PDE1C: variants seen among roughly 807,000 people sequenced by gnomAD.
PDE1C encodes the protein dual specificity calcium/calmodulin-dependent 3',5'-cyclic nucleotide phosphodiesterase 1C.
In PDE1C, 62 loss-of-function variants were observed where a neutral mutation model predicts 93.1. The ratio of observed to expected loss-of-function variants is 0.67; its 90% CI spans 0.54 to 0.82. The LOEUF (loss-of-function observed/expected upper bound fraction) is 0.82, where lower values mean the gene tolerates loss of function less well. PDE1C is among the 40% of genes least tolerant of loss of function. PDE1C has a pLI of 0.00. For synonymous variants in PDE1C, 325 were observed against 310.1 expected, an observed-to-expected ratio of 1.05 and a Z score of -0.50; for missense variants, 742 against 884.6, an observed-to-expected ratio of 0.84 and a Z score of 2.04.
At chr7:32,039,217 T>C (rs2128655789) in intron 2 of PDE1C, among the ~76,000 whole-genome samples, 1 of 152,132 alleles carries the variant, frequency 6.6e-6, no homozygotes. Flanking sequence ...GGGTCATGAG[T>C]GAGTAGGGGT....
intron 1 of PDE1C, among the ~76,000 whole-genome samples, chr7:32,277,862 A>G (rs1401294918): frequency 2.0e-5 from 3 of 152,216 alleles, no homozygotes; most frequent in Admixed American, 6.5e-5. Context: ...AAGGCAATAT[A>G]CCATCACGAT....
intron 3 of PDE1C, among the ~76,000 whole-genome samples, chr7:32,082,543 G>A (rs1796755679): frequency 1.3e-5 from 2 of 152,224 alleles, no homozygotes; most frequent in Non-Finnish European, 1.5e-5. Context: ...CGGGCAGACT[G>A]CCTCCTCAAG....
At chr7:31,938,968 A>C (rs1242597848) in intron 2 of PDE1C, among the ~76,000 whole-genome samples, 1 of 152,182 alleles carries the variant, frequency 6.6e-6, no homozygotes, top group Non-Finnish European at 1.5e-5. Flanking sequence ...CCAGCACCAA[A>C]GCACTTTTAG....
At chr7:32,031,903 G>C (rs376474317) in intron 2 of PDE1C, among the ~76,000 whole-genome samples, 1 of 152,128 alleles carries the variant, frequency 6.6e-6, no homozygotes, top group Non-Finnish European at 1.5e-5. Flanking sequence ...TTGTACCGCA[G>C]GAGAAGTACT....
At chr7:31,970,048 C>T (rs1335798555) in intron 2 of PDE1C, among the ~76,000 whole-genome samples, 3 of 151,982 alleles carry the variant, frequency 2.0e-5, no homozygotes, top group African/African-American at 7.3e-5. Flanking sequence ...TGCTAAATGA[C>T]AAGTTAATGG....
chr7:32,369,911 A>C (rs1390218414), intron 1 of PDE1C, among the ~76,000 whole-genome samples: 1 of 152,202 alleles, frequency 6.6e-6, no homozygotes, highest in African/African-American at 2.4e-5. Flanking sequence ...ACCATTGTGG[A>C]AGACAGTGTG....
At chr7:32,121,991 A>T (rs1799326238) in intron 3 of PDE1C, among the ~76,000 whole-genome samples, 1 of 152,236 alleles carries the variant, frequency 6.6e-6, no homozygotes, top group Admixed American at 6.5e-5. Context: ...ATGTGCAAAG[A>T]CACACATAGG....
intron 2 of PDE1C, among the ~76,000 whole-genome samples, chr7:31,977,760 C>T (rs1255973789): frequency 1.3e-5 from 2 of 152,136 alleles, no homozygotes; most frequent in African/African-American, 4.8e-5. Flanking sequence ...CAGTGAGTTA[C>T]AAACAGTAGT....
intron 1 of PDE1C, among the ~76,000 whole-genome samples, chr7:32,376,190 C>T (rs538602912): frequency 1.3e-5 from 2 of 152,052 alleles, no homozygotes; most frequent in Admixed American, 1.3e-4. Flanking sequence ...GAAAAATTCA[C>T]AACCAATCCT....
At chr7:31,946,698 G>C (rs1299339547) in intron 2 of PDE1C, among the ~76,000 whole-genome samples, 1 of 152,158 alleles carries the variant, frequency 6.6e-6, no homozygotes. Flanking sequence ...CCAGAGCTCG[G>C]AGCCTTCACA....
At chr7:32,001,910 T>G (rs1207937977) in intron 2 of PDE1C, among the ~76,000 whole-genome samples, 1 of 152,016 alleles carries the variant, frequency 6.6e-6, no homozygotes, top group Non-Finnish European at 1.5e-5. Context: ...AATACAAAAA[T>G]TAGCTGAGCG....
intron 3 of PDE1C, among the ~76,000 whole-genome samples, chr7:32,149,613 AT>A (rs1400596031): frequency 6.6e-6 from 1 of 152,180 alleles, no homozygotes; most frequent in African/African-American, 2.4e-5. Flanking sequence ...AACATTTATA[AT>A]TTTTTTATAT....
intron 1 of PDE1C, among the ~76,000 whole-genome samples, chr7:32,381,832 G>A (rs183069824): frequency 1.1e-4 from 17 of 152,094 alleles, no homozygotes; most frequent in Admixed American, 4.6e-4. Context: ...CCACTACCCC[G>A]CACTGGGATA....
chr7:32,206,412 A>G (rs1242360581), intron 2 of PDE1C, among the ~76,000 whole-genome samples: 1 of 152,104 alleles, frequency 6.6e-6, no homozygotes, highest in African/African-American at 2.4e-5. Context: ...AGTTGCATAA[A>G]ACAGACATGT....
intron 1 of PDE1C, among the ~76,000 whole-genome samples, chr7:32,316,574 T>G (rs556690930): frequency 1.3e-5 from 2 of 152,300 alleles, no homozygotes; most frequent in African/African-American, 2.4e-5. Context: ...TTCTAAATAA[T>G]GATCATGAAT....
At chr7:32,000,888 T>C (rs1275992942) in intron 2 of PDE1C, among the ~76,000 whole-genome samples, 1 of 152,238 alleles carries the variant, frequency 6.6e-6, no homozygotes, top group Non-Finnish European at 1.5e-5. Context: ...TCACAGGACA[T>C]AATTTTTTAA....
At chr7:31,699,223 C>A in the PDE1C span, among the ~76,000 whole-genome samples, 2 of 152,076 alleles carry the variant, frequency 1.3e-5, no homozygotes, top group African/African-American at 2.4e-5. Context: ...ATCTGTTGGC[C>A]CTCAGTAACA....
chr7:32,302,016 C>T (rs1221041270), upstream of PDE1C, among the ~76,000 whole-genome samples: 2 of 152,228 alleles, frequency 1.3e-5, no homozygotes, highest in African/African-American at 4.8e-5. Flanking sequence ...TTCATTGGAA[C>T]ATAGCTATGC....
At chr7:31,761,184 A>T (rs1382214441) in intron 17 of PDE1C, among the ~76,000 whole-genome samples, 4 of 86,252 alleles carry the variant, frequency 4.6e-5, no homozygotes, top group Admixed American at 1.2e-4. Context: ...CTGAATTCAC[A>T]CCCTTCCTCC....
Sources: gnomAD v4.1 joint callset for allele counts (sites outside exome capture counted in the v4.1 genomes callset) on GRCh38, gnomAD v4.1.1 for gene constraint, MANE v1.5 for transcripts, NCBI Gene and HGNC (gene_info 2026-07-23, HGNC 2026-07-21) for gene names.